Variants in IL36B observed in about 807,000 individuals in gnomAD.
IL36B encodes the protein interleukin 36 beta.
Under a neutral mutation model 19.3 loss-of-function variants are expected in IL36B, and 23 were observed. The ratio of observed to expected loss-of-function variants is 1.19; its 90% CI spans 0.86 to 1.69. IL36B has a LOEUF of 1.69. Ranked by LOEUF, IL36B falls within the 40% of genes most tolerant of loss-of-function variation. The pLI is 0.00. For missense variants in IL36B, 217 were observed against 200.5 expected, an observed-to-expected ratio of 1.08 and a Z score of -0.50; for synonymous variants, 59 against 59.7, an observed-to-expected ratio of 0.99 and a Z score of 0.05.
At chr2:113,051,537 G>A (rs1254733062) in intron 1 of IL36B, among the ~76,000 whole-genome samples, 2 of 152,194 alleles carry the variant, frequency 1.3e-5, no homozygotes, top group Admixed American at 6.5e-5. Flanking sequence ...CCAGGCAGAG[G>A]GTGCCACGGG....
chr2:113,048,260 T>C (rs1302238713), intron 1 of IL36B, among the ~76,000 whole-genome samples: 1 of 152,070 alleles, frequency 6.6e-6, no homozygotes, highest in Non-Finnish European at 1.5e-5. Context: ...AAAATACAAT[T>C]GTAATTGTAT....
At chr2:113,039,908 G>A (rs1173256664) in intron 1 of IL36B, among the ~76,000 whole-genome samples, 1 of 152,186 alleles carries the variant, frequency 6.6e-6, no homozygotes, top group Non-Finnish European at 1.5e-5. Context: ...ATAAGACAAG[G>A]CATGCAGGCA....
At chr2:113,037,107 C>T (rs1685178978) in intron 1 of IL36B, among the ~76,000 whole-genome samples, 1 of 152,220 alleles carries the variant, frequency 6.6e-6, no homozygotes, top group Admixed American at 6.5e-5. Flanking sequence ...TCCCTCTGTA[C>T]CTTCCCATGA....
In IL36B at chr2:113,047,480, G is replaced by A. The variant is rs555033563; in HGVS notation, c.-58+5337C>T. ...GAATATTCTTGAGCTTAATTCCGTA[G>A]TGTAATTAAGGCTCTTGGCAAGAAT... On this transcript the variant is annotated intron_variant, in intron 1 of 5. Coordinates refer to ENST00000259213, the MANE Select transcript of IL36B (RefSeq NM_014438.5). Among the ~76,000 whole-genome samples, 185 of 152,272 alleles carry A rather than the reference G, an allele frequency of 1.2e-3. 1 individual carries two copies. The highest frequency in any genetic ancestry group is 3.4e-3 in the Middle Eastern group (1 of 294).
At chr2:113,041,767 G>T (rs1397532181) in intron 1 of IL36B, among the ~76,000 whole-genome samples, 3 of 152,288 alleles carry the variant, frequency 2.0e-5, no homozygotes, top group East Asian at 3.9e-4. Flanking sequence ...TAGAGACAGG[G>T]TCTCACCTAT....
chr2:113,026,314 C>A, intron 4 of IL36B: 1 of 1,584,564 alleles, frequency 6.3e-7, no homozygotes, highest in South Asian at 1.1e-5. Context: ...ACGGCAATGA[C>A]TGGAGTAAAA....
Position 113,022,570 on chromosome 2 carries a change from C to T in IL36B, c.*104G>A, listed in dbSNP as rs1684880986. The T allele has an allele frequency of 1.4e-5, 10 of 722,414 alleles. No homozygotes were observed. Among genetic ancestry groups the T allele is most frequent in the Non-Finnish European group, 2.4e-5 (10 of 411,804 alleles). 44.8% of individuals were successfully genotyped at this position (722,414 alleles called of 1,614,324 possible). ...CCTTGTTTTACAAACTCTCCAGAAC[C>T]CAAGAAAAGAGAAAAATTTCTGCAA... is the stretch of plus-strand genomic sequence containing the variant. On this transcript the variant is annotated 3_prime_UTR_variant, in exon 6 of 6. Coordinates refer to ENST00000259213, the MANE Select transcript of IL36B (RefSeq NM_014438.5).
chr2:113,038,824 G>C lies in IL36B; in HGVS notation c.-57-7058C>G, dbSNP rs74880942. Among the ~76,000 whole-genome samples the C allele has an allele frequency of 5.4e-3, 829 of 152,316 alleles. 4 individuals carry two copies. Among genetic ancestry groups the C allele is most frequent in the Non-Finnish European group, 8.0e-3 (544 of 68,018 alleles). On this transcript the variant is annotated intron_variant, in intron 1 of 5. Coordinates refer to ENST00000259213, the MANE Select transcript of IL36B (RefSeq NM_014438.5). ...GAGACAGAGATGAGGATAAAAGATT[G>C]AGCTGCAGAGCCAATCATTAATTCA...
intron 3 of IL36B, 61 bp downstream of exon 3, chr2:113,030,987 C>T: frequency 8.0e-7 from 1 of 1,247,938 alleles, no homozygotes; most frequent in South Asian, 1.2e-5. Context: ...CAAGCTCAGC[C>T]TCATTCCTGG....
At chr2:113,049,891 G>A (rs1232279940) in intron 1 of IL36B, among the ~76,000 whole-genome samples, 2 of 152,086 alleles carry the variant, frequency 1.3e-5, no homozygotes, top group African/African-American at 4.8e-5. Context: ...AGAGGCAGAG[G>A]TTGAAGTGAG....
intron 1 of IL36B, among the ~76,000 whole-genome samples, chr2:113,041,149 T>A: frequency 1.1e-5 from 1 of 90,672 alleles, no homozygotes. Flanking sequence ...AGAGCAAGAC[T>A]TTGCCACACA....
intron 1 of IL36B, among the ~76,000 whole-genome samples, chr2:113,048,290 C>T (rs1481589776): frequency 1.3e-5 from 2 of 152,020 alleles, no homozygotes; most frequent in Non-Finnish European, 1.5e-5. Context: ...AAAAATACAA[C>T]AGTTAGCCAG....
chr2:113,048,479 A>T (rs1685385949), intron 1 of IL36B, among the ~76,000 whole-genome samples: 1 of 152,112 alleles, frequency 6.6e-6, no homozygotes, highest in Non-Finnish European at 1.5e-5. Context: ...ATTATAGCTA[A>T]ATTTGTGGGA....
chr2:113,044,122 G>T (rs2121333), intron 1 of IL36B, among the ~76,000 whole-genome samples: 1 of 152,166 alleles, frequency 6.6e-6, no homozygotes, highest in Admixed American at 6.5e-5. Flanking sequence ...CTGGCTTTTT[G>T]GGCCTTTCAA....
intron 5 of IL36B, chr2:113,022,893 G>C (rs146086675): frequency 2.7e-4 from 177 of 662,352 alleles, no homozygotes; most frequent in Non-Finnish European, 4.1e-4. Context: ...GAGGAGATTG[G>C]AGTTTGCCTT....
At chr2:113,025,955 A>G (rs1684950450) in intron 5 of IL36B, 2 of 1,294,960 alleles carry the variant, frequency 1.5e-6, no homozygotes, top group African/African-American at 1.5e-5. Context: ...GGGAAGTGAG[A>G]GAAGTCAATT....
intron 2 of IL36B, among the ~76,000 whole-genome samples, 176 bp downstream of exon 2, chr2:113,031,521 A>G (rs1353386412): frequency 6.6e-6 from 1 of 152,238 alleles, no homozygotes; most frequent in African/African-American, 2.4e-5. Flanking sequence ...CTAAATACAG[A>G]TAATAATAAA....
intron 4 of IL36B, 67 bp from the exon 5 acceptor site, chr2:113,028,182 G>C (rs1685000682): frequency 2.3e-6 from 3 of 1,300,068 alleles, no homozygotes; most frequent in African/African-American, 1.5e-5. Context: ...ACTCAGCTCT[G>C]AGTGTGTAAC....
Position 113,022,526 on chromosome 2 carries a change from C to T in IL36B, c.*148G>A. The T allele has an allele frequency of 1.7e-6, 1 of 589,306 alleles. No individual in the cohort carries two copies. Among genetic ancestry groups the T allele is most frequent in the South Asian group, 2.1e-5 (1 of 48,100 alleles). The allele number at this position is 589,306 out of a possible 1,614,324, so 36.5% of individuals were successfully genotyped here. A position where few individuals can be genotyped will look rare whatever the true frequency, so the allele number is the denominator to read the frequency against. The stretch of plus-strand genomic sequence containing the variant: ...GCTTTACAGGTAAGATTTACCAACT[C>T]TTTAAAAATACATAGTGTCCTTGTT... On this transcript the variant is annotated 3_prime_UTR_variant, in exon 6 of 6. Transcript: ENST00000259213.
Sources: allele counts gnomAD v4.1 joint callset (sites outside exome capture counted in the v4.1 genomes callset), GRCh38; gene constraint gnomAD v4.1.1; transcripts MANE v1.5; gene names NCBI Gene and HGNC (gene_info 2026-07-23, HGNC 2026-07-21).